The following KCNQ1 variants were observed in gnomAD, a reference collection of about 807,000 sequenced individuals.
The protein encoded by KCNQ1 is potassium voltage-gated channel subfamily KQT member 1.
KCNQ1 carries 49 observed loss-of-function variants against 72.4 expected under a neutral mutation model. That is an observed-to-expected ratio of 0.68 (90% CI 0.54 to 0.86). The LOEUF (loss-of-function observed/expected upper bound fraction) is 0.86, where lower values mean the gene tolerates loss of function less well. Ranked by LOEUF, KCNQ1 falls within the 40% of genes least tolerant of loss-of-function variation. The pLI is 0.00. For missense variants in KCNQ1, 790 were observed against 945.1 expected, an observed-to-expected ratio of 0.84 and a Z score of 2.15; for synonymous variants, 450 against 412.6, an observed-to-expected ratio of 1.09 and a Z score of -1.10.
chr11:2,523,904 C>G (rs570975648), intron 1 of KCNQ1, among the ~76,000 whole-genome samples: 1 of 152,058 alleles, frequency 6.6e-6, no homozygotes, highest in South Asian at 2.1e-4. Flanking sequence ...GCCTTCCGTG[C>G]AGGTCACTGA....
Position 2,670,348 on chromosome 11 carries a change from T to A in KCNQ1, c.1514+8267T>A, listed in dbSNP as rs147669802. 1.6e-3 allele frequency: 624 copies of A among 398,464 alleles called. 4 individuals are homozygous for A. The highest frequency in any genetic ancestry group is 0.012 in the African/African-American group (561 of 48,686). The allele number at this position is 398,464 out of a possible 1,614,324, so 24.7% of individuals were successfully genotyped here. A position where few individuals can be genotyped will look rare whatever the true frequency, so the allele number is the denominator to read the frequency against. On this transcript the variant is annotated intron_variant, in intron 11 of 15. Coordinates refer to ENST00000155840, the MANE Select transcript of KCNQ1 (RefSeq NM_000218.3). This position sits in a 1 kb window ranked among gnomAD's most constrained non-coding sequence, Gnocchi z 4.9. Reference sequence around the variant, plus strand: ...GTAGCAGAGTTCAGACTCAGTGGCTTTCAGATGGTTAGTATAGGCTGAAAT... The same window carrying A: ...GTAGCAGAGTTCAGACTCAGTGGCTATCAGATGGTTAGTATAGGCTGAAAT...
In KCNQ1 at chr11:2,661,994, T is replaced by C. The variant is rs767215260; in HGVS notation, c.1427T>C (p.Met476Thr). The C allele has an allele frequency of 5.0e-6, 8 of 1,614,094 alleles. No individual in the cohort carries two copies. The highest frequency in any genetic ancestry group is 1.6e-4 in the Middle Eastern group (1 of 6,084). The part of the protein sequence containing the change: ...RKSPTLLEVS[M>T]PHFMRTNSFA... ...AGCCCAACACTGCTGGAAGTGAGCA[T>C]GCCCCATTTCATGAGAACCAACAGC... The change falls in exon 11 of 16, where the codon ATG becomes ACG. Residue 476 changes from methionine to threonine, a missense_variant. By Grantham distance (81) the Met-to-Thr change is moderately conservative (BLOSUM62 -1). This residue lies in a region of KCNQ1 where 178 missense variants were observed against 177.9 expected (regional missense o/e 1.00). Transcript: ENST00000155840. This position sits in a 1 kb window ranked among gnomAD's most constrained non-coding sequence, Gnocchi z 5.9.
At position 2,484,503 on chromosome 11, in the gene KCNQ1, T is replaced by C. The variant is rs4578370; in HGVS notation, c.386+39019T>C. Among the ~76,000 whole-genome samples the C allele has an allele frequency of 0.11, 17,387 of 152,208 alleles. 1,346 individuals carry two copies. Among genetic ancestry groups the C allele is most frequent in the East Asian group, 0.24 (1,240 of 5,166 alleles). On this transcript the variant is annotated intron_variant, in intron 1 of 15. Transcript: ENST00000155840. This position sits in a 1 kb window ranked among gnomAD's most constrained non-coding sequence, Gnocchi z 5.2. The stretch of plus-strand genomic sequence containing the variant: ...TCATTGCTCAAATTGTGCTGGCTTT[T>C]GCCCCAGAAACAACCTTCCATTCAG...
At position 2,544,379 on chromosome 11, in the gene KCNQ1, TGTGTGC is replaced by T. The variant is rs1190367201; in HGVS notation, c.477+16362_477+16367del. 5.0e-4 allele frequency among the ~76,000 whole-genome samples: 71 copies of T among 141,432 alleles called. No individual in the cohort carries two copies. The highest frequency in any genetic ancestry group is 1.8e-3 in the African/African-American group (65 of 37,074). The allele number at this position is 141,432 out of a possible 152,430, so 92.8% of individuals were successfully genotyped here. On this transcript the variant is annotated intron_variant, in intron 2 of 15. Transcript: ENST00000155840. The surrounding 1 kb of genome is among the most constrained non-coding windows in gnomAD (Gnocchi z 4.4). The stretch of plus-strand genomic sequence containing the variant: ...ATGTGTATATATATGTGTATATATA[TGTGTGC>T]ATATATGTGTATATATGTGTGTGTA...
intron 13 of KCNQ1, among the ~76,000 whole-genome samples, chr11:2,776,606 C>G (rs1277832773): frequency 2.0e-5 from 3 of 152,196 alleles, no homozygotes; most frequent in Non-Finnish European, 4.4e-5. Flanking sequence ...GCTGTGCCTC[C>G]GAGATGGGCT....
In KCNQ1 at chr11:2,803,648, A is replaced by G. The variant is rs1847317810; in HGVS notation, c.1794+25611A>G. On this transcript the variant is annotated intron_variant, in intron 15 of 15. Transcript: ENST00000155840. This position sits in a 1 kb window ranked among gnomAD's most constrained non-coding sequence, Gnocchi z 6.4. ...CCATCTCCAGGTCCCGGCCTGCCCC[A>G]GCCTGCCCACCCCCAGCCTGTCCCC... is the stretch of plus-strand genomic sequence containing the variant. Among the ~76,000 whole-genome samples the G allele has an allele frequency of 6.6e-6, 1 of 151,424 alleles. No individual in the cohort carries two copies. Among genetic ancestry groups the G allele is most frequent in the African/African-American group, 2.4e-5 (1 of 41,212 alleles).
chr11:2,548,109 C>T (rs560225785), intron 2 of KCNQ1, among the ~76,000 whole-genome samples: 1 of 152,248 alleles, frequency 6.6e-6, no homozygotes, highest in South Asian at 2.1e-4. Flanking sequence ...GACTTAACGC[C>T]GCCCCTCTGA....
rs1282653517 is a variant in KCNQ1, at chr11:2,781,384, C to T, written c.1794+3347C>T. Among the ~76,000 whole-genome samples, 1 of 152,092 alleles carries T rather than the reference C, an allele frequency of 6.6e-6. No homozygotes were observed. The highest frequency in any genetic ancestry group is 2.4e-5 in the African/African-American group (1 of 41,400). On this transcript the variant is annotated intron_variant, in intron 15 of 15. Transcript: ENST00000155840. The surrounding 1 kb of genome is among the most constrained non-coding windows in gnomAD (Gnocchi z 6.6). ...GAGGGGTTTCATATCACCCAAAGTC[C>T]GTATGGAGAGGCTGAGGAGGGTTGA...
In KCNQ1 at chr11:2,848,409, G is replaced by A. The variant is rs1848387139; in HGVS notation, c.*406G>A. 2 of 480,862 alleles carry A rather than the reference G, an allele frequency of 4.2e-6. No individual in the cohort carries two copies. The highest frequency in any genetic ancestry group is 8.2e-6 in the Non-Finnish European group (2 of 244,824). The allele number at this position is 480,862 out of a possible 1,614,324, so 29.8% of individuals were successfully genotyped here. On this transcript the variant is annotated 3_prime_UTR_variant, in exon 16 of 16. Transcript: ENST00000155840. ...CCTGAGGGGAGACAGAGCAACCCCT[G>A]GACCCCAGCCTCAAATCCAGGACCC...
chr11:2,753,441 C>T (rs931821527), intron 11 of KCNQ1, among the ~76,000 whole-genome samples: 1 of 152,162 alleles, frequency 6.6e-6, no homozygotes, highest in South Asian at 2.1e-4. Flanking sequence ...AGGCATGTGC[C>T]CTGGGCAGAG....
chr11:2,623,044 G>T lies in KCNQ1; in HGVS notation c.1393+34190G>T, dbSNP rs931477954. On this transcript the variant is annotated intron_variant, in intron 10 of 15. Transcript: ENST00000155840. This position sits in a 1 kb window ranked among gnomAD's most constrained non-coding sequence, Gnocchi z 5.2. ...TGTGTCAGGGGAGGGGCCTGGTGGG[G>T]GGCAAACTTCCCCCTTGCTGTTCTC... The T allele has an allele frequency of 1.8e-5, 7 of 398,572 alleles. No homozygotes were observed. The Admixed American group carries it at 2.2e-4, about 13-fold the overall frequency. 24.7% of individuals were successfully genotyped at this position (398,572 alleles called of 1,614,324 possible).
At chr11:2,557,463 G>C (rs1016855683) in intron 2 of KCNQ1, among the ~76,000 whole-genome samples, 1 of 152,210 alleles carries the variant, frequency 6.6e-6, no homozygotes, top group African/African-American at 2.4e-5. Flanking sequence ...ACAGTAATTT[G>C]AAATAACTCC....
intron 2 of KCNQ1, among the ~76,000 whole-genome samples, chr11:2,535,424 C>T (rs1847713277): frequency 6.6e-6 from 1 of 152,228 alleles, no homozygotes; most frequent in African/African-American, 2.4e-5. Context: ...CAGAATCCAC[C>T]AAGCGGAACT....
At chr11:2,672,922 A>G (rs74737644) in intron 11 of KCNQ1, 33,414 of 398,718 alleles carry the variant, frequency 0.084, 1,536 homozygotes, top group Middle Eastern at 0.12. Flanking sequence ...TGGGCTGGCC[A>G]TGCAGGCCCA....
Position 2,653,283 on chromosome 11 carries a change from G to A in KCNQ1, c.1394-8678G>A. On this transcript the variant is annotated intron_variant, in intron 10 of 15. Transcript: ENST00000155840. The surrounding 1 kb of genome is among the most constrained non-coding windows in gnomAD (Gnocchi z 5.3). ...CCCTCTGCCCTGAAAACTAGTGGGG[G>A]CAGTGCAGACCAGTTTAGCTATTTT... The A allele has an allele frequency of 5.0e-6, 2 of 398,730 alleles. No homozygotes were observed. The highest frequency in any genetic ancestry group is 3.6e-5 in the East Asian group (1 of 28,084). The allele number at this position is 398,730 out of a possible 1,614,324, so 24.7% of individuals were successfully genotyped here. A position where few individuals can be genotyped will look rare whatever the true frequency, so the allele number is the denominator to read the frequency against.
At chr11:2,705,096 TC>T (rs1479527545) in intron 11 of KCNQ1, among the ~76,000 whole-genome samples, 1 of 152,096 alleles carries the variant, frequency 6.6e-6, no homozygotes, top group African/African-American at 2.4e-5. Context: ...AATCCCCCAT[TC>T]CAGGACAGTC....
At position 2,621,305 on chromosome 11, in the gene KCNQ1, G is replaced by A. The variant is rs549080271; in HGVS notation, c.1393+32451G>A. On this transcript the variant is annotated intron_variant, in intron 10 of 15. Transcript: ENST00000155840. This position sits in a 1 kb window ranked among gnomAD's most constrained non-coding sequence, Gnocchi z 5.7. ...ATTATTTGCATTTCTGATTATTAGT[G>A]ATCATGAGAATGTTTTTTTGTTTGG... The A allele has an allele frequency of 2.5e-6, 1 of 398,416 alleles. No homozygotes were observed. Among genetic ancestry groups the A allele is most frequent in the African/African-American group, 2.1e-5 (1 of 48,708 alleles). 24.7% of individuals were successfully genotyped at this position (398,416 alleles called of 1,614,324 possible). A position where few individuals can be genotyped will look rare whatever the true frequency, so the allele number is the denominator to read the frequency against.
intron 15 of KCNQ1, among the ~76,000 whole-genome samples, chr11:2,778,673 A>G (rs903794400): frequency 1.3e-5 from 2 of 152,082 alleles, no homozygotes; most frequent in Non-Finnish European, 2.9e-5. Flanking sequence ...GGCTGAGCCC[A>G]CCACTGCCCT....
chr11:2,604,483 CAAA>C (rs924239109), intron 10 of KCNQ1, among the ~76,000 whole-genome samples: 2 of 151,314 alleles, frequency 1.3e-5, no homozygotes, highest in Non-Finnish European at 3.0e-5. Context: ...TTCAAAAAAA[CAAA>C]AAGAAAGGAA....
Sources: gnomAD v4.1 joint callset for allele counts (sites outside exome capture counted in the v4.1 genomes callset) on GRCh38, gnomAD v4.1.1 for gene constraint, gnomAD v4.1.1 regional missense constraint, Gnocchi (gnomAD v3.1) non-coding constraint, MANE v1.5 for transcripts, NCBI Gene and HGNC (gene_info 2026-07-23, HGNC 2026-07-21) for gene names.